Variants in KCNMA1 observed in about 807,000 individuals in gnomAD.
KCNMA1 encodes the protein Calcium-activated potassium channel subunit alpha-1.
A neutral mutation model predicts 140.0 loss-of-function variants in KCNMA1; 29 were observed. The observed-to-expected ratio is 0.21, with a 90% CI of 0.15 to 0.28. The LOEUF (loss-of-function observed/expected upper bound fraction) is 0.28, where lower values mean the gene tolerates loss of function less well. KCNMA1 is among the 10% of genes least tolerant of loss of function. KCNMA1 has a pLI of 1.00. For missense variants in KCNMA1, 880 were observed against 1,602.2 expected (o/e 0.55, Z 7.70); for synonymous variants, 612 against 611.9 (o/e 1.00, Z 0.00).
At chr10:77,205,585 A>G (rs563434726) in intron 3 of KCNMA1, among the ~76,000 whole-genome samples, 1 of 152,088 alleles carries the variant, frequency 6.6e-6, no homozygotes, top group South Asian at 2.1e-4. Flanking sequence ...TTCAAAAAAT[A>G]TAGTAATTTT....
chr10:77,040,077 G>C (rs899352232), intron 14 of KCNMA1, among the ~76,000 whole-genome samples: 40 of 149,844 alleles, frequency 2.7e-4, no homozygotes, highest in Admixed American at 2.5e-3. Context: ...ACAGAGTCTT[G>C]CTATGTTGCC....
chr10:77,202,552 T>A (rs1466364302), intron 3 of KCNMA1, among the ~76,000 whole-genome samples: 1 of 152,186 alleles, frequency 6.6e-6, no homozygotes, highest in African/African-American at 2.4e-5. Context: ...TTCCCAGAAC[T>A]CAGTGCTCAC....
At chr10:77,136,647 T>C (rs747177689) in intron 5 of KCNMA1, among the ~76,000 whole-genome samples, 11 of 149,630 alleles carry the variant, frequency 7.4e-5, no homozygotes, top group Non-Finnish European at 8.9e-5. Flanking sequence ...GATAAAACTA[T>C]GAAAACTATA....
At chr10:77,063,100 A>C (rs2095814507) in intron 14 of KCNMA1, among the ~76,000 whole-genome samples, 1 of 152,190 alleles carries the variant, frequency 6.6e-6, no homozygotes, top group East Asian at 1.9e-4. Context: ...GTATCTGGTC[A>C]AATAAAGAAT....
intron 2 of KCNMA1, among the ~76,000 whole-genome samples, chr10:77,393,911 A>G (rs976418199): frequency 7.2e-5 from 11 of 152,252 alleles, no homozygotes; most frequent in Admixed American, 6.5e-4. Context: ...AGCAGGCCGG[A>G]CTGGCTGCTG....
chr10:76,880,007 A>G (rs1333127770), downstream of KCNMA1, among the ~76,000 whole-genome samples: 1 of 152,126 alleles, frequency 6.6e-6, no homozygotes, highest in Non-Finnish European at 1.5e-5. Context: ...CCATGCTGTT[A>G]TGCAGACTGA....
At chr10:77,558,309 T>A (rs1673447395) in intron 1 of KCNMA1, among the ~76,000 whole-genome samples, 2 of 152,134 alleles carry the variant, frequency 1.3e-5, no homozygotes, top group South Asian at 4.1e-4. Context: ...GAGCGTAGAA[T>A]TCCACAGGCA....
At chr10:76,949,388 A>T in intron 21 of KCNMA1, 22 bp from the exon 22 acceptor site, 1 of 1,595,378 alleles carries the variant, frequency 6.3e-7, no homozygotes. Context: ...AGAAGTGGGT[A>T]AGAGTCAGAG....
At chr10:77,040,356 A>G (rs899448870) in intron 14 of KCNMA1, among the ~76,000 whole-genome samples, 1 of 152,220 alleles carries the variant, frequency 6.6e-6, no homozygotes, top group African/African-American at 2.4e-5. Flanking sequence ...AAGAAACAGG[A>G]AAACAGAGGT....
intron 19 of KCNMA1, among the ~76,000 whole-genome samples, chr10:77,000,858 ATATATATAT>A (rs1235501947): frequency 0.036 from 3,176 of 88,080 alleles, 340 homozygotes; most frequent in Non-Finnish European, 0.041. Context: ...TAAAAAGAAA[ATATATATAT>A]ATATATATAT....
At chr10:77,598,185 G>A (rs945645686) in intron 1 of KCNMA1, among the ~76,000 whole-genome samples, 1 of 152,126 alleles carries the variant, frequency 6.6e-6, no homozygotes, top group African/African-American at 2.4e-5. Flanking sequence ...TGGCCAGGCT[G>A]GTCTTGAATT....
At chr10:76,969,315 A>AAGGAAGGG (rs1565262243) in intron 20 of KCNMA1, among the ~76,000 whole-genome samples, 7 of 80,190 alleles carry the variant, frequency 8.7e-5, no homozygotes, top group Non-Finnish European at 1.1e-4. Flanking sequence ...GGAAGGAAGG[A>AAGGAAGGG]AGGAAGGAAG....
chr10:77,616,380 T>C (rs2089499088), intron 1 of KCNMA1, among the ~76,000 whole-genome samples: 1 of 152,162 alleles, frequency 6.6e-6, no homozygotes, highest in African/African-American at 2.4e-5. Context: ...CAAATGAAAG[T>C]AACAGTAATA....
chr10:77,431,681 T>TAAAA lies in KCNMA1; in HGVS notation c.379-27662_379-27659dup, dbSNP rs71028276. 6.2e-4 allele frequency among the ~76,000 whole-genome samples: 47 copies of TAAAA among 75,444 alleles called. 1 individual carries two copies. The highest frequency in any genetic ancestry group is 2.4e-3 in the East Asian group (3 of 1,230). The allele number at this position is 75,444 out of a possible 152,430, so 49.5% of individuals were successfully genotyped here. A position where few individuals can be genotyped will look rare whatever the true frequency, so the allele number is the denominator to read the frequency against. ...CATGCCCCTGAAGTCTGGTCTGTTG[T>TAAAA]AAAAAAAAAAAAAAAAAAAAAAAAA... On this transcript the variant is annotated intron_variant, in intron 1 of 27. Coordinates refer to ENST00000286628, the MANE Select transcript of KCNMA1 (RefSeq NM_001161352.2).
chr10:77,092,016 C>T (rs945641481), intron 9 of KCNMA1: 3 of 152,166 alleles, frequency 2.0e-5, no homozygotes, highest in Admixed American at 6.5e-5. Context: ...CAATCAGGCA[C>T]GCAGCGGCCA....
chr10:77,382,986 GTGTGTGTGTATATATATATATA>G (rs1481149453), intron 2 of KCNMA1, among the ~76,000 whole-genome samples: 45 of 58,190 alleles, frequency 7.7e-4, no homozygotes, highest in Non-Finnish European at 9.9e-4. Flanking sequence ...GTGTGTGTGT[GTGTGTGTGTATATATATATATA>G]TATATATATA....
intron 3 of KCNMA1, among the ~76,000 whole-genome samples, chr10:77,229,486 T>C (rs2052781946): frequency 6.6e-6 from 1 of 152,244 alleles, no homozygotes; most frequent in Non-Finnish European, 1.5e-5. Context: ...CAGCCTACTG[T>C]CTGCCAGGCA....
At chr10:77,083,501 T>TAAAA (rs35527205) in intron 12 of KCNMA1, among the ~76,000 whole-genome samples, 2 of 91,392 alleles carry the variant, frequency 2.2e-5, no homozygotes, top group Non-Finnish European at 2.1e-5. Flanking sequence ...AGATGTTCTG[T>TAAAA]AAAAAAAAAA....
At chr10:77,065,102 A>G (rs2095878698) in intron 14 of KCNMA1, among the ~76,000 whole-genome samples, 1 of 152,170 alleles carries the variant, frequency 6.6e-6, no homozygotes, top group African/African-American at 2.4e-5. Context: ...GCTGAGGCCA[A>G]CCGATGCATT....
Sources: allele counts gnomAD v4.1 joint callset (sites outside exome capture counted in the v4.1 genomes callset), GRCh38; gene constraint gnomAD v4.1.1; transcripts MANE v1.5; gene names NCBI Gene and HGNC (gene_info 2026-07-23, HGNC 2026-07-21).